The following TACC2 variants were observed in gnomAD, a reference collection of about 807,000 sequenced individuals.
TACC2 encodes transforming acidic coiled-coil containing protein 2, also known as transforming acidic coiled-coil-containing protein 2.
A neutral mutation model predicts 227.3 loss-of-function variants in TACC2; 137 were observed. That is an observed-to-expected ratio of 0.60 (90% confidence interval 0.52 to 0.69). The LOEUF is 0.69. Among genes scored for constraint, TACC2 ranks in the 30% least tolerant of loss-of-function variants. The probability of loss-of-function intolerance (pLI) is 0.00; values close to 1 mark genes in which losing one functional copy is unlikely to be tolerated. For synonymous variants in TACC2, 1,523 were observed against 1,487.5 expected, an observed-to-expected ratio of 1.02 and a Z score of -0.55; for missense variants, 3,470 against 3,694.4, an observed-to-expected ratio of 0.94 and a Z score of 1.57.
At chr10:122,230,609 A>G (rs543445523) in intron 16 of TACC2, among the ~76,000 whole-genome samples, 169 bp downstream of exon 16, 7 of 152,346 alleles carry the variant, frequency 4.6e-5, no homozygotes, top group Admixed American at 2.0e-4. Context: ...CACTGAGCAC[A>G]TAGCTAAGAT....
At chr10:122,045,661 C>T (rs1451094150) in intron 2 of TACC2, among the ~76,000 whole-genome samples, 1 of 152,182 alleles carries the variant, frequency 6.6e-6, no homozygotes, top group East Asian at 1.9e-4. Context: ...TTGCAGAGGG[C>T]AGAAGGCAAG....
chr10:122,107,862 T>TTATA (rs1280958609), intron 5 of TACC2, among the ~76,000 whole-genome samples: 4 of 116,426 alleles, frequency 3.4e-5, no homozygotes, highest in African/African-American at 3.1e-5. Context: ...CCAAAGTCCA[T>TTATA]TATATATATA....
At chr10:122,053,327 C>T (rs561845160) in intron 3 of TACC2, among the ~76,000 whole-genome samples, 2 of 152,268 alleles carry the variant, frequency 1.3e-5, no homozygotes, top group East Asian at 1.9e-4. Flanking sequence ...GTGAGACCCA[C>T]TCCCTATCAT....
intron 2 of TACC2, among the ~76,000 whole-genome samples, chr10:122,027,369 G>A (rs1243480327): frequency 2.0e-5 from 3 of 152,100 alleles, no homozygotes; most frequent in Non-Finnish European, 4.4e-5. Context: ...TGCCTTTTGC[G>A]AATAATTTCT....
At position 122,083,067 on chromosome 10, in the gene TACC2, C is replaced by G; in HGVS notation, c.567C>G (p.Ser189=). 1.2e-6 allele frequency: 2 copies of G among 1,612,828 alleles called. No individual in the cohort carries two copies. The highest frequency in any genetic ancestry group is 1.7e-6 in the Non-Finnish European group (2 of 1,180,024). The change falls in exon 4 of 23, where the codon TCC becomes TCG. Residue 189 remains serine (S), a synonymous_variant. Coordinates refer to ENST00000369005, the MANE Select transcript of TACC2 (RefSeq NM_206862.4). Reference sequence around the variant, plus strand: ...AAGAAGGACAGAAGTCCTCCTTCTCCTTCTCCAGTGGCATCGACCAGTCAC... The same window carrying G: ...AAGAAGGACAGAAGTCCTCCTTCTCGTTCTCCAGTGGCATCGACCAGTCAC... ...PKEEGQKSSF[S]FSSGIDQSPG...
Position 122,132,606 on chromosome 10 carries a change from C to A in TACC2, c.5574-3C>A, listed in dbSNP as rs1565392438. ...TTAGGTTCTTTCCCTTTTCTCTCCC[C>A]AGTTCACCTGTGGCAGATGATATCA... On this transcript the variant is annotated splice_region_variant and splice_polypyrimidine_tract_variant and intron_variant, in intron 5 of 22. Coordinates refer to ENST00000369005, the MANE Select transcript of TACC2 (RefSeq NM_206862.4). The A allele has an allele frequency of 6.2e-7, 1 of 1,614,168 alleles. No individual in the cohort carries two copies. The highest frequency in any genetic ancestry group is 8.5e-7 in the Non-Finnish European group (1 of 1,180,018).
intron 5 of TACC2, among the ~76,000 whole-genome samples, chr10:122,096,415 G>A (rs372178232): frequency 3.1e-4 from 47 of 152,144 alleles, no homozygotes; most frequent in East Asian, 1.9e-4. Flanking sequence ...GCCCCTTACC[G>A]GCCAGGCGCG....
At chr10:122,184,860 C>T (rs548066277) in intron 7 of TACC2, among the ~76,000 whole-genome samples, 1 of 152,160 alleles carries the variant, frequency 6.6e-6, no homozygotes, top group East Asian at 1.9e-4. Flanking sequence ...TGCAATCCCA[C>T]TCACCTTCGT....
chr10:122,035,836 TG>T (rs762374214), intron 2 of TACC2, among the ~76,000 whole-genome samples: 2 of 152,088 alleles, frequency 1.3e-5, no homozygotes, highest in Admixed American at 1.3e-4. Flanking sequence ...TCCTTCTGAC[TG>T]GGTCTTATTC....
At chr10:122,159,312 C>T (rs907809873) in intron 7 of TACC2, among the ~76,000 whole-genome samples, 5 of 152,162 alleles carry the variant, frequency 3.3e-5, no homozygotes, top group African/African-American at 1.2e-4. Flanking sequence ...CCTTTGGGGA[C>T]ACATGGAAAG....
At chr10:122,108,325 C>G (rs2083133332) in intron 5 of TACC2, among the ~76,000 whole-genome samples, 1 of 152,018 alleles carries the variant, frequency 6.6e-6, no homozygotes, top group Admixed American at 6.6e-5. Flanking sequence ...CATGTTGCTG[C>G]AAATGCCATT....
intron 2 of TACC2, among the ~76,000 whole-genome samples, chr10:122,026,054 C>T (rs1193951277): frequency 6.6e-6 from 1 of 150,430 alleles, no homozygotes; most frequent in Non-Finnish European, 1.5e-5. Flanking sequence ...TGCAGTGGCT[C>T]ACGCCTGTAA....
chr10:122,080,823 G>T (rs901396218), intron 3 of TACC2, among the ~76,000 whole-genome samples: 1 of 152,220 alleles, frequency 6.6e-6, no homozygotes, highest in Non-Finnish European at 1.5e-5. Context: ...ATTGAGAGGA[G>T]AATCTTTCCA....
At chr10:122,179,738 T>C (rs567491029) in intron 7 of TACC2, among the ~76,000 whole-genome samples, 129 of 152,254 alleles carry the variant, frequency 8.5e-4, no homozygotes, top group Non-Finnish European at 1.5e-3. Context: ...CCCAGAAGTT[T>C]GAGACCAGCC....
At chr10:122,236,335 A>ACTCT (rs2095856294) in intron 16 of TACC2, among the ~76,000 whole-genome samples, 1 of 152,136 alleles carries the variant, frequency 6.6e-6, no homozygotes, top group Non-Finnish European at 1.5e-5. Context: ...TAATTTCCCA[A>ACTCT]GGGAAGAAGC....
At chr10:122,208,740 T>C (rs909379160) in intron 8 of TACC2, among the ~76,000 whole-genome samples, 1 of 152,208 alleles carries the variant, frequency 6.6e-6, no homozygotes, top group Admixed American at 6.5e-5. Flanking sequence ...AGAAGGGGAC[T>C]GGGGGTACAT....
chr10:122,084,328 G>T lies in TACC2; in HGVS notation c.1828G>T (p.Val610Leu). The change falls in exon 4 of 23, where the codon GTA becomes TTA. Residue 610 changes from valine to leucine, a missense_variant. Val to Leu is a conservative substitution (Grantham distance 32). This residue lies in a region of TACC2 where 1,924 missense variants were observed against 1,978.3 expected (regional missense o/e 0.97). Transcript: ENST00000369005. ...QAFSSKRDPEVGKDELSKPSS... is the reference protein window; with the variant it reads ...QAFSSKRDPELGKDELSKPSS... ...TTTCAGCAGCAAGCGTGATCCAGAA[G>T]TAGGCAAAGATGAGCTTTCAAAGCC... 1 of 1,613,908 alleles carries T rather than the reference G, an allele frequency of 6.2e-7. No individual in the cohort carries two copies. The highest frequency in any genetic ancestry group is 1.1e-5 in the South Asian group (1 of 91,088).
At chr10:121,998,388 A>G (rs950591157) in intron 1 of TACC2, among the ~76,000 whole-genome samples, 2 of 150,612 alleles carry the variant, frequency 1.3e-5, no homozygotes, top group African/African-American at 2.4e-5. Flanking sequence ...TGAACAATCC[A>G]CTATGACCCT....
Position 122,229,469 on chromosome 10 carries a change from T to G in TACC2, c.8020T>G (p.Phe2674Val). The G allele has an allele frequency of 6.2e-7, 1 of 1,614,032 alleles. No homozygotes were observed. Among genetic ancestry groups the G allele is most frequent in the Non-Finnish European group, 8.5e-7 (1 of 1,179,998 alleles). The stretch of plus-strand genomic sequence containing the variant: ...CTTAGCAGAAAAGAACCCCCCACTA[T>G]TCGCTCAGAAACTCCAGGTTTGTAG... Reference protein sequence around the residue: ...PDLAEKNPPLFAQKLQEELEF... With the variant: ...PDLAEKNPPLVAQKLQEELEF... The change falls in exon 15 of 23, where the codon TTC becomes GTC. Residue 2674 changes from phenylalanine to valine, a missense_variant. By Grantham distance (50) the Phe-to-Val change is conservative (BLOSUM62 -1). Around this residue, in one of 10 missense-constraint regions of TACC2, gnomAD observed 345 missense variants for 354.4 expected, o/e 0.97. Coordinates refer to ENST00000369005, the MANE Select transcript of TACC2 (RefSeq NM_206862.4).
Sources: allele counts gnomAD v4.1 joint callset (sites outside exome capture counted in the v4.1 genomes callset), GRCh38; gene constraint gnomAD v4.1.1; regional missense constraint gnomAD v4.1.1; transcripts MANE v1.5; gene names NCBI Gene and HGNC (gene_info 2026-07-23, HGNC 2026-07-21).